ELP1: variants seen among roughly 807,000 people sequenced by gnomAD.
The protein encoded by ELP1 is elongator complex protein 1.
ELP1 carries 131 observed loss-of-function variants against 183.2 expected under a neutral mutation model. That is an observed-to-expected ratio of 0.72 (90% CI 0.62 to 0.83). The LOEUF (loss-of-function observed/expected upper bound fraction) is 0.83. ELP1 is among the 40% of genes least tolerant of loss of function. ELP1 has a pLI of 0.00. For synonymous variants in ELP1, 555 were observed against 569.0 expected, an observed-to-expected ratio of 0.98 and a Z score of 0.35; for missense variants, 1,550 against 1,594.9, an observed-to-expected ratio of 0.97 and a Z score of 0.48.
chr9:108,916,426 C>T (rs1292144554), intron 9 of ELP1, 129 bp from the exon 10 acceptor site: 2 of 766,030 alleles, frequency 2.6e-6, no homozygotes, highest in Admixed American at 2.0e-5. Context: ...CTGTAAATCA[C>T]TAACCTACAG....
intron 12 of ELP1, among the ~76,000 whole-genome samples, chr9:108,909,270 T>C (rs1416099922): frequency 6.6e-6 from 1 of 152,182 alleles, no homozygotes; most frequent in Non-Finnish European, 1.5e-5. Flanking sequence ...TTGATATCTT[T>C]TGTCTACACC....
chr9:108,891,087 G>A lies in ELP1; in HGVS notation c.3160+116C>T. ...GCATTCTAAATTAATTTTTATCAGT[G>A]AGAACAAGACTGTCTCAGAGTATTC... On this transcript the variant is annotated intron_variant, in intron 28 of 36. Transcript: ENST00000374647. 2 of 996,018 alleles carry A rather than the reference G, an allele frequency of 2.0e-6. 1 individual carries two copies. The highest frequency in any genetic ancestry group is 2.6e-5 in the South Asian group (2 of 75,676). The allele number at this position is 996,018 out of a possible 1,614,324, so 61.7% of individuals were successfully genotyped here. A position where few individuals can be genotyped will look rare whatever the true frequency, so the allele number is the denominator to read the frequency against.
At position 108,902,901 on chromosome 9, in the gene ELP1, C is replaced by T. The variant is rs886063347; in HGVS notation, c.1792G>A (p.Gly598Arg). 2.5e-6 allele frequency: 4 copies of T among 1,613,880 alleles called. No individual in the cohort carries two copies. Among genetic ancestry groups the T allele is most frequent in the Non-Finnish European group, 3.4e-6 (4 of 1,179,910 alleles). Reference sequence around the variant, plus strand: ...GGATAAGGAAACCGAACAGGAAATCCACCAGAGTTCTTCCATGGTTTAATA... The same window carrying T: ...GGATAAGGAAACCGAACAGGAAATCTACCAGAGTTCTTCCATGGTTTAATA... ...LAIKPWKNSG[G>R]FPVRFPYPCT... The change falls in exon 16 of 37, where the codon GGA (glycine) becomes AGA (arginine). Residue 598 changes from glycine to arginine, a missense_variant. Gly to Arg is a moderately radical substitution (Grantham distance 125, BLOSUM62 -2). Transcript: ENST00000374647.
intron 29 of ELP1, among the ~76,000 whole-genome samples, chr9:108,886,646 AG>A (rs1828132454): frequency 6.6e-6 from 1 of 152,194 alleles, no homozygotes; most frequent in South Asian, 2.1e-4. Context: ...AAGGAACAGA[AG>A]GGAATTTCCT....
intron 19 of ELP1, 125 bp downstream of exon 19, chr9:108,900,135 A>T: frequency 1.2e-6 from 1 of 830,308 alleles, no homozygotes; most frequent in Non-Finnish European, 2.0e-6. Flanking sequence ...GAAAACTATC[A>T]AGGAAAGGTT....
chr9:108,898,715 T>C lies in ELP1; in HGVS notation c.2239A>G (p.Lys747Glu). ...MFKEAFECMR[K>E]LRINLNLIYD... ...ATCAGATTGAGATTGATTCTCAGCT[T>C]TCTCATGCATTCAAATGCCTCTTTA... Residue 747 changes from lysine (K) to glutamate (E), a missense_variant, in exon 21 of 37, where the codon AAG becomes GAG. Transcript: ENST00000374647. The C allele has an allele frequency of 6.2e-7, 1 of 1,612,744 alleles. No individual in the cohort carries two copies. Among genetic ancestry groups the C allele is most frequent in the Non-Finnish European group, 8.5e-7 (1 of 1,179,254 alleles).
chr9:108,874,750 C>G, intron 36 of ELP1, 145 bp downstream of exon 36: 1 of 665,876 alleles, frequency 1.5e-6, no homozygotes, highest in Non-Finnish European at 2.7e-6. Context: ...AAGATGCGGT[C>G]TTAGAATTGA....
intron 18 of ELP1, 116 bp from the exon 19 acceptor site, chr9:108,900,491 C>T (rs923137797): frequency 1.3e-6 from 1 of 774,898 alleles, no homozygotes; most frequent in African/African-American, 1.7e-5. Context: ...CAACCATGTG[C>T]CTTAGCTCTC....
At chr9:108,882,468 C>T (rs1031857800) in intron 29 of ELP1, among the ~76,000 whole-genome samples, 4 of 152,148 alleles carry the variant, frequency 2.6e-5, no homozygotes, top group Non-Finnish European at 5.9e-5. Context: ...GTTAGACATG[C>T]CCATCTCCCC....
chr9:108,913,752 T>A (rs1406826319), intron 10 of ELP1, among the ~76,000 whole-genome samples: 6 of 152,100 alleles, frequency 3.9e-5, no homozygotes, highest in African/African-American at 1.4e-4. Context: ...GTTCAAGCGA[T>A]TCCCTTGTCT....
At chr9:108,873,259 A>G (rs948151237) in intron 36 of ELP1, among the ~76,000 whole-genome samples, 1 of 152,222 alleles carries the variant, frequency 6.6e-6, no homozygotes, top group Non-Finnish European at 1.5e-5. Context: ...ATTGTATTGC[A>G]TCAAAGCAGG....
chr9:108,893,836 G>C (rs1029199657), intron 26 of ELP1, 107 bp downstream of exon 26: 48 of 1,182,506 alleles, frequency 4.1e-5, no homozygotes, highest in Non-Finnish European at 6.0e-5. Context: ...GTTTTCAGGA[G>C]TGGGAAGTGA....
In ELP1 at chr9:108,906,482, G is replaced by A. The variant is rs2132003716; in HGVS notation, c.1464C>T (p.Ile488=). 1.2e-6 allele frequency: 2 copies of A among 1,612,362 alleles called. No homozygotes were observed. The highest frequency in any genetic ancestry group is 2.2e-5 in the South Asian group (2 of 91,054). The change falls in exon 14 of 37, where the codon ATC becomes ATT. Residue 488 remains isoleucine, a synonymous_variant. Coordinates refer to ENST00000374647, the MANE Select transcript of ELP1 (RefSeq NM_003640.5). ...CTTGATCTTCATTATTCTCAAACTG[G>A]ATTCTATTGTAAATATTGAAGAATA... The part of the protein sequence containing the change: ...RTPHLEKRYK[I]QFENNEDQDV...
At chr9:108,879,958 G>T (rs959700756) in intron 32 of ELP1, 94 bp downstream of exon 32, 2 of 839,118 alleles carry the variant, frequency 2.4e-6, no homozygotes, top group Non-Finnish European at 4.1e-6. Context: ...ACAGTAATCA[G>T]ATTGCAGGCG....
In ELP1 at chr9:108,891,393, A is replaced by G; in HGVS notation, c.2970T>C (p.Ile990=). The G allele has an allele frequency of 8.1e-6, 13 of 1,613,606 alleles. No individual in the cohort carries two copies. The highest frequency in any genetic ancestry group is 1.1e-5 in the Non-Finnish European group (13 of 1,179,984). Residue 990 remains isoleucine, a synonymous_variant, in exon 28 of 37, where the codon ATT becomes ATC. Transcript: ENST00000374647. ...CCTGCATCAGGTGCTCCCCATAAGCAATGCTGATATCCTGTGACAAGAGGA... is the reference window on the plus strand; with the variant it reads ...CCTGCATCAGGTGCTCCCCATAAGCGATGCTGATATCCTGTGACAAGAGGA... ...PSSQQYQDIS[I]AYGEHLMQEH... is the part of the protein sequence containing the mutation.
chr9:108,886,581 T>C (rs1828129976), intron 29 of ELP1, among the ~76,000 whole-genome samples: 1 of 152,146 alleles, frequency 6.6e-6, no homozygotes, highest in South Asian at 2.1e-4. Context: ...CCCTTCATAG[T>C]TGAAAATGCA....
rs143580972 is a variant in ELP1, at chr9:108,880,114, C to G, written c.3398G>C (p.Arg1133Pro). The change falls in exon 32 of 37, where the codon CGC becomes CCC. Residue 1133 changes from arginine to proline, a missense_variant. Coordinates refer to ENST00000374647, the MANE Select transcript of ELP1 (RefSeq NM_003640.5). ...FLDSQTATFS[R>P]HKKRLLVVRE... The stretch of plus-strand genomic sequence containing the variant: ...AACTACCAATAAACGTTTCTTGTGG[C>G]GACTGAATGTGGCTGTCTGAGAGTC... 6.2e-7 allele frequency: 1 copy of G among 1,614,102 alleles called. No homozygotes were observed. Among genetic ancestry groups the G allele is most frequent in the South Asian group, 1.1e-5 (1 of 91,078 alleles).
chr9:108,924,347 A>G (rs528942751), intron 5 of ELP1, among the ~76,000 whole-genome samples: 2 of 151,996 alleles, frequency 1.3e-5, no homozygotes, highest in East Asian at 1.9e-4. Context: ...AAGTCTACTG[A>G]CCCCAGGATA....
intron 16 of ELP1, among the ~76,000 whole-genome samples, chr9:108,902,174 T>C (rs1355015045): frequency 6.6e-6 from 1 of 152,194 alleles, no homozygotes; most frequent in African/African-American, 2.4e-5. Context: ...CTTGCTAAGC[T>C]CAAGGAGTTT....
Sources: allele counts gnomAD v4.1 joint callset (sites outside exome capture counted in the v4.1 genomes callset), GRCh38; gene constraint gnomAD v4.1.1; transcripts MANE v1.5; gene names NCBI Gene and HGNC (gene_info 2026-07-23, HGNC 2026-07-21).